FBN2: variants seen among roughly 807,000 people sequenced by gnomAD.
The protein encoded by FBN2 is fibrillin 2, also known as fibrillin-2.
FBN2 carries 105 observed loss-of-function variants against 355.6 expected under a neutral mutation model. That is an observed-to-expected ratio of 0.30 (90% CI 0.25 to 0.35). FBN2 has a LOEUF of 0.35. Ranked by LOEUF, FBN2 falls within the 10% of genes least tolerant of loss-of-function variation. The pLI, the probability that FBN2 is intolerant of heterozygous loss-of-function variation, is 1.00. For synonymous variants in FBN2, 1,350 were observed against 1,301.2 expected, an observed-to-expected ratio of 1.04 and a Z score of -0.81; for missense variants, 3,280 against 3,758.7, an observed-to-expected ratio of 0.87 and a Z score of 3.33.
intron 7 of FBN2, among the ~76,000 whole-genome samples, chr5:128,422,708 A>C (rs1214607018): frequency 6.6e-6 from 1 of 152,182 alleles, no homozygotes; most frequent in Admixed American, 6.5e-5. Flanking sequence ...ACTGAAGTTG[A>C]GTAAGTTCAT....
intron 61 of FBN2, among the ~76,000 whole-genome samples, chr5:128,273,362 GT>G (rs1765311003): frequency 6.6e-6 from 1 of 152,218 alleles, no homozygotes. Context: ...AAGTGAAGGA[GT>G]GAAGCGGGAG....
In FBN2 at chr5:128,345,581, A is replaced by G. The variant is rs1040679262; in HGVS notation, c.2993T>C (p.Ile998Thr). The change falls in exon 24 of 65, where the codon ATT (isoleucine) becomes ACT (threonine). Residue 998 changes from isoleucine (I) to threonine (T), a missense_variant. Physicochemically the swap from Ile to Thr is moderately conservative, Grantham distance 89. Coordinates refer to ENST00000262464, the MANE Select transcript of FBN2 (RefSeq NM_001999.4). ...CTTCAAGTAACACTGCTCCATGCGAATATCTACACCGAGAACGAAATCACA... is the reference window on the plus strand; with the variant it reads ...CTTCAAGTAACACTGCTCCATGCGAGTATCTACACCGAGAACGAAATCACA... ...LDGTGRVCLD[I>T]RMEQCYLKWD... 6.2e-7 allele frequency: 1 copy of G among 1,612,630 alleles called. No homozygotes were observed. The highest frequency in any genetic ancestry group is 1.7e-5 in the Admixed American group (1 of 60,000).
intron 5 of FBN2, among the ~76,000 whole-genome samples, chr5:128,512,474 C>G (rs1425295669): frequency 1.4e-5 from 2 of 143,450 alleles, no homozygotes; most frequent in African/African-American, 5.3e-5. Flanking sequence ...GATCACGCCA[C>G]TGCACTCCAC....
chr5:128,368,883 C>T (rs1271243354), intron 16 of FBN2, among the ~76,000 whole-genome samples: 1 of 151,190 alleles, frequency 6.6e-6, no homozygotes, highest in Admixed American at 6.6e-5. Context: ...CTCACCCTGG[C>T]TTCAAGTGAT....
chr5:128,323,583 T>A (rs1197839699), intron 34 of FBN2, among the ~76,000 whole-genome samples: 1 of 152,214 alleles, frequency 6.6e-6, no homozygotes, highest in East Asian at 1.9e-4. Flanking sequence ...GTTTATGTGA[T>A]GGATTACATT....
intron 53 of FBN2, among the ~76,000 whole-genome samples, chr5:128,287,850 G>A (rs1026029162): frequency 2.6e-5 from 4 of 152,094 alleles, no homozygotes; most frequent in Admixed American, 1.3e-4. Context: ...GCTAAAGAAA[G>A]GGAACCCAGG....
intron 56 of FBN2, 54 bp from the exon 57 acceptor site, chr5:128,278,895 C>T (rs1765464947): frequency 1.4e-6 from 2 of 1,442,628 alleles, no homozygotes; most frequent in Non-Finnish European, 1.9e-6. Flanking sequence ...TTTCATTATC[C>T]TGGCTTTCAA....
At chr5:128,328,373 T>C in intron 34 of FBN2, 1 of 576,186 alleles carries the variant, frequency 1.7e-6, no homozygotes. Context: ...TAATGGAGCA[T>C]ACTTTAAAAG....
chr5:128,385,278 G>A (rs187048056), intron 11 of FBN2, among the ~76,000 whole-genome samples: 28 of 152,146 alleles, frequency 1.8e-4, no homozygotes, highest in African/African-American at 6.5e-4. Context: ...TGAATGTTTA[G>A]CTACCACTTA....
intron 11 of FBN2, among the ~76,000 whole-genome samples, chr5:128,382,559 G>A (rs1752260394): frequency 6.6e-6 from 1 of 152,014 alleles, no homozygotes; most frequent in South Asian, 2.1e-4. Flanking sequence ...TAGCATTAGA[G>A]CTCTATAATT....
chr5:128,271,555 C>T (rs1198015896), intron 62 of FBN2, among the ~76,000 whole-genome samples: 1 of 152,160 alleles, frequency 6.6e-6, no homozygotes, highest in Non-Finnish European at 1.5e-5. Context: ...ACTTCCCATC[C>T]TTTATTAAAT....
At chr5:128,286,535 T>C (rs553826569) in intron 55 of FBN2, among the ~76,000 whole-genome samples, 183 bp downstream of exon 55, 1 of 152,344 alleles carries the variant, frequency 6.6e-6, no homozygotes, top group South Asian at 2.1e-4. Flanking sequence ...CAGGCATAAA[T>C]GCCACAATCC....
At position 128,273,973 on chromosome 5, in the gene FBN2, C is replaced by T. The variant is rs766722063; in HGVS notation, c.7712-5G>A. On this transcript the variant is annotated splice_region_variant and splice_polypyrimidine_tract_variant and intron_variant, in intron 60 of 64. Coordinates refer to ENST00000262464, the MANE Select transcript of FBN2 (RefSeq NM_001999.4). ...GAGACCCACATTCGTTGTTGTCTGG[C>T]AAAGCATCAAGAAGCAGAGCGTCAA... is the stretch of plus-strand genomic sequence containing the variant. The T allele has an allele frequency of 6.2e-7, 1 of 1,613,786 alleles. No homozygotes were observed.
At chr5:128,483,676 T>G (rs955680046) in intron 5 of FBN2, among the ~76,000 whole-genome samples, 1 of 151,850 alleles carries the variant, frequency 6.6e-6, no homozygotes, top group African/African-American at 2.4e-5. Flanking sequence ...GTAATGACTT[T>G]GAACCCATAA....
intron 37 of FBN2, 113 bp downstream of exon 37, chr5:128,312,521 G>C: frequency 8.6e-7 from 1 of 1,157,360 alleles, no homozygotes; most frequent in Non-Finnish European, 1.3e-6. Context: ...TTCAAATTCA[G>C]TTTTTTTGTT....
Position 128,506,687 on chromosome 5 carries a change from G to A in FBN2, c.628+12586C>T, listed in dbSNP as rs573208898. Among the ~76,000 whole-genome samples the A allele has an allele frequency of 5.9e-5, 9 of 152,212 alleles. No individual in the cohort carries two copies. In the South Asian group the frequency reaches 1.9e-3, roughly 32 times the overall value. On this transcript the variant is annotated intron_variant, in intron 5 of 64. Coordinates refer to ENST00000262464, the MANE Select transcript of FBN2 (RefSeq NM_001999.4). Reference sequence around the variant, plus strand: ...CATTGCTAGGACCAAACAGTGCAATGTTCAACAGAAGTGACGAGAGTGACT... The same window carrying A: ...CATTGCTAGGACCAAACAGTGCAATATTCAACAGAAGTGACGAGAGTGACT...
chr5:128,377,564 CA>C (rs1752110963), intron 13 of FBN2, among the ~76,000 whole-genome samples, 187 bp downstream of exon 13: 1 of 149,382 alleles, frequency 6.7e-6, no homozygotes, highest in Admixed American at 6.7e-5. Flanking sequence ...AAAAAAAAAC[CA>C]AAAAACAAAC....
At chr5:128,453,998 C>CG (rs1173557067) in intron 6 of FBN2, among the ~76,000 whole-genome samples, 3 of 151,432 alleles carry the variant, frequency 2.0e-5, no homozygotes, top group Admixed American at 6.6e-5. Flanking sequence ...TTGCCCCCCC[C>CG]CCAAGTTTCT....
intron 3 of FBN2, 26 bp from the exon 4 acceptor site, chr5:128,527,993 T>C: frequency 6.8e-7 from 1 of 1,475,770 alleles, no homozygotes; most frequent in Non-Finnish European, 9.5e-7. Flanking sequence ...ACAAAAAGTA[T>C]AAAAACATCA....
Sources: allele counts gnomAD v4.1 joint callset (sites outside exome capture counted in the v4.1 genomes callset), GRCh38; gene constraint gnomAD v4.1.1; transcripts MANE v1.5; gene names NCBI Gene and HGNC (gene_info 2026-07-23, HGNC 2026-07-21).